Variants in ELAVL2 observed in about 807,000 individuals in gnomAD.
The protein encoded by ELAVL2 is ELAV-like protein 2.
Under a neutral mutation model 34.6 loss-of-function variants are expected in ELAVL2, and 4 were observed. The ratio of observed to expected loss-of-function variants is 0.12; its 90% confidence interval spans 0.06 to 0.26. The LOEUF (loss-of-function observed/expected upper bound fraction) is 0.26, where lower values mean the gene tolerates loss of function less well. Among genes scored for constraint, ELAVL2 ranks in the 10% least tolerant of loss-of-function variants. The pLI is 1.00. For missense variants in ELAVL2, 432 were observed against 442.8 expected, an observed-to-expected ratio of 0.98 and a Z score of 0.22; for synonymous variants, 193 against 154.8, an observed-to-expected ratio of 1.25 and a Z score of -1.83.
At chr9:23,693,573 A>AG in intron 5 of ELAVL2, 87 bp from the exon 6 acceptor site, 8 of 1,473,092 alleles carry the variant, frequency 5.4e-6, no homozygotes, top group Non-Finnish European at 7.6e-6. Flanking sequence ...CCATCTTCCG[A>AG]GGGGATATCT....
intron 1 of ELAVL2, among the ~76,000 whole-genome samples, chr9:23,825,064 T>C (rs1195421861): frequency 6.6e-6 from 1 of 152,162 alleles, no homozygotes; most frequent in Non-Finnish European, 1.5e-5. Context: ...TATTTACGCT[T>C]TTCTGAACAA....
chr9:23,711,780 A>G (rs191476523), intron 3 of ELAVL2, among the ~76,000 whole-genome samples: 1 of 152,320 alleles, frequency 6.6e-6, no homozygotes, highest in Admixed American at 6.5e-5. Flanking sequence ...CCTTGAAATA[A>G]GAAACCTTGT....
intron 1 of ELAVL2, among the ~76,000 whole-genome samples, chr9:23,770,924 A>C (rs2057187464): frequency 6.6e-6 from 1 of 152,240 alleles, no homozygotes; most frequent in Admixed American, 6.5e-5. Flanking sequence ...GTGCAGAATG[A>C]CAAGGAGATA....
intron 2 of ELAVL2, among the ~76,000 whole-genome samples, chr9:23,756,264 G>T (rs2053536649): frequency 6.6e-6 from 1 of 152,144 alleles, no homozygotes; most frequent in Non-Finnish European, 1.5e-5. Flanking sequence ...GGCGTGCTGG[G>T]GCATGGCAGG....
intron 4 of ELAVL2, 143 bp downstream of exon 4, chr9:23,704,775 A>G: frequency 9.5e-7 from 1 of 1,049,362 alleles, no homozygotes; most frequent in Non-Finnish European, 1.4e-6. Flanking sequence ...TTTATGAACA[A>G]TTCCAGCAGA....
At position 23,798,413 on chromosome 9, in the gene ELAVL2, G is replaced by T. The variant is rs374457011; in HGVS notation, c.-16+27393C>A. Among the ~76,000 whole-genome samples, 4 of 151,760 alleles carry T rather than the reference G, an allele frequency of 2.6e-5. No individual in the cohort carries two copies. In the East Asian group the frequency reaches 5.8e-4, roughly 22 times the overall value. Reference sequence around the variant, plus strand: ...GGGCCTGTAACTTAAATCACTCTACGTGCCATTTCCTTACCTATAAAATGG... The same window carrying T: ...GGGCCTGTAACTTAAATCACTCTACTTGCCATTTCCTTACCTATAAAATGG... On this transcript the variant is annotated intron_variant, in intron 1 of 6. Coordinates refer to ENST00000397312, the MANE Select transcript of ELAVL2 (RefSeq NM_004432.5).
chr9:23,744,268 C>T (rs1354410503), intron 2 of ELAVL2, among the ~76,000 whole-genome samples: 1 of 152,124 alleles, frequency 6.6e-6, no homozygotes, highest in Non-Finnish European at 1.5e-5. Flanking sequence ...AAAAGAGGTT[C>T]CTACAATGTA....
intron 3 of ELAVL2, among the ~76,000 whole-genome samples, chr9:23,729,173 AT>A: frequency 6.6e-6 from 1 of 152,264 alleles, no homozygotes. Context: ...GCAGGAGGAT[AT>A]TTAGTAAAAG....
chr9:23,816,969 A>T (rs977233424), intron 1 of ELAVL2, among the ~76,000 whole-genome samples: 6 of 152,172 alleles, frequency 3.9e-5, no homozygotes, highest in Non-Finnish European at 8.8e-5. Context: ...ACGGAAAAAT[A>T]TACAGGTACA....
At chr9:23,822,540 A>T (rs889989950) in intron 1 of ELAVL2, among the ~76,000 whole-genome samples, 1 of 152,098 alleles carries the variant, frequency 6.6e-6, no homozygotes, top group South Asian at 2.1e-4. Context: ...CCCTTCGCCA[A>T]GCTCAATCCC....
At chr9:23,758,303 C>T (rs912896959) in intron 2 of ELAVL2, among the ~76,000 whole-genome samples, 4 of 152,144 alleles carry the variant, frequency 2.6e-5, no homozygotes, top group African/African-American at 9.6e-5. Flanking sequence ...GCCTACTTTT[C>T]AAAGTACAAC....
intron 5 of ELAVL2, among the ~76,000 whole-genome samples, chr9:23,699,936 A>C (rs1285819131): frequency 1.3e-5 from 2 of 150,504 alleles, no homozygotes; most frequent in African/African-American, 4.9e-5. Context: ...CCCACGGCAA[A>C]GGCCAACTTA....
At chr9:23,737,843 C>T (rs1204502284) in intron 2 of ELAVL2, among the ~76,000 whole-genome samples, 1 of 152,148 alleles carries the variant, frequency 6.6e-6, no homozygotes, top group African/African-American at 2.4e-5. Context: ...TTTAATAATG[C>T]AATACTTTTA....
chr9:23,767,049 C>T (rs7866683), intron 1 of ELAVL2, among the ~76,000 whole-genome samples: 113,340 of 152,180 alleles, frequency 0.74, 43,786 homozygotes, highest in East Asian at 0.96. Context: ...TAATAATTTA[C>T]GAAAAGGCAC....
At chr9:23,788,991 G>A (rs1250704397) in intron 1 of ELAVL2, among the ~76,000 whole-genome samples, 2 of 152,144 alleles carry the variant, frequency 1.3e-5, no homozygotes, top group African/African-American at 4.8e-5. Context: ...CGAAACTGTG[G>A]GTAAGGAGGA....
At chr9:23,765,126 T>C in intron 1 of ELAVL2, 1 of 1,570,662 alleles carries the variant, frequency 6.4e-7, no homozygotes, top group Non-Finnish European at 8.6e-7. Flanking sequence ...AAAAGTACCG[T>C]ATGTTAGATG....
rs186563033 is a variant in ELAVL2, at chr9:23,746,925, T to C, written c.229+15081A>G. ...AACAAATCATTAGTGGACCAGACTA[T>C]ACTTTACATCTTCGCTCAACAAAAC... is the stretch of plus-strand genomic sequence containing the variant. On this transcript the variant is annotated intron_variant, in intron 2 of 6. Coordinates refer to ENST00000397312, the MANE Select transcript of ELAVL2 (RefSeq NM_004432.5). Among the ~76,000 whole-genome samples, 95 of 151,842 alleles carry C rather than the reference T, an allele frequency of 6.3e-4. 1 individual carries two copies. The highest frequency in any genetic ancestry group is 2.8e-3 in the Admixed American group (43 of 15,240).
chr9:23,792,117 T>TA (rs1758201317), intron 1 of ELAVL2, among the ~76,000 whole-genome samples: 1 of 152,234 alleles, frequency 6.6e-6, no homozygotes, highest in Admixed American at 6.5e-5. Flanking sequence ...CAGTATTCAG[T>TA]AAATTACATG....
chr9:23,704,475 C>T (rs550394949), intron 4 of ELAVL2, among the ~76,000 whole-genome samples: 2 of 152,180 alleles, frequency 1.3e-5, no homozygotes, highest in South Asian at 2.1e-4. Flanking sequence ...CAGCATGAAC[C>T]TGGAAAACAG....
Sources: gnomAD v4.1 joint callset for allele counts (sites outside exome capture counted in the v4.1 genomes callset) on GRCh38, gnomAD v4.1.1 for gene constraint, MANE v1.5 for transcripts, NCBI Gene and HGNC (gene_info 2026-07-23, HGNC 2026-07-21) for gene names.